Variants in TCF4 observed in about 807,000 individuals in gnomAD.
The protein encoded by TCF4 is SL3-3 enhancer factor 2.
TCF4 carries 3 observed loss-of-function variants against 82.1 expected under a neutral mutation model. The ratio of observed to expected loss-of-function variants is 0.04; its 90% confidence interval spans 0.02 to 0.09. The LOEUF (loss-of-function observed/expected upper bound fraction) is 0.09. Ranked by LOEUF, TCF4 falls within the 10% of genes least tolerant of loss-of-function variation. The probability of loss-of-function intolerance (pLI) is 1.00; values close to 1 mark genes in which losing one functional copy is unlikely to be tolerated. For missense variants in TCF4, 518 were observed against 852.7 expected (o/e 0.61, Z 4.89); for synonymous variants, 276 against 309.6 (o/e 0.89, Z 1.14).
chr18:55,603,072 A>G (rs1231963111), intron 2 of TCF4, among the ~76,000 whole-genome samples: 1 of 152,256 alleles, frequency 6.6e-6, no homozygotes, highest in East Asian at 1.9e-4. Context: ...ACCTGGGTTC[A>G]GATTTTACCA....
At chr18:55,601,715 C>T (rs994796695) in intron 2 of TCF4, among the ~76,000 whole-genome samples, 2 of 152,230 alleles carry the variant, frequency 1.3e-5, no homozygotes, top group East Asian at 3.9e-4. Flanking sequence ...ACCCGGCAGG[C>T]AGAGGTTGCA....
rs1026845670 is a variant in TCF4 at position 55,587,944 on chromosome 18, G to C, written c.-21+94C>G. On this transcript the variant is annotated intron_variant, in intron 1 of 19. Coordinates refer to ENST00000354452, the MANE Select transcript of TCF4 (RefSeq NM_001083962.2). ...GCCGGGCGCCGGGAGCCCGCGGCGC[G>C]GGAGGCGCGGAGCCGCGTGCGGGGC... is the stretch of plus-strand genomic sequence containing the variant. 4.5e-6 allele frequency: 4 copies of C among 892,982 alleles called. No homozygotes were observed. The East Asian group carries it at 4.9e-4, about 109-fold the overall frequency. The allele number at this position is 892,982 out of a possible 1,614,324, so 55.3% of individuals were successfully genotyped here. A position where few individuals can be genotyped will look rare whatever the true frequency, so the allele number is the denominator to read the frequency against.
chr18:55,381,910 G>GT (rs770720823), intron 6 of TCF4, among the ~76,000 whole-genome samples: 2,041 of 143,584 alleles, frequency 0.014, 22 homozygotes, highest in Non-Finnish European at 0.021. Flanking sequence ...CTCTAGAAGG[G>GT]TTTTTTTTTT....
At chr18:55,625,944 T>C (rs2097726172) in intron 2 of TCF4, among the ~76,000 whole-genome samples, 1 of 152,244 alleles carries the variant, frequency 6.6e-6, no homozygotes, top group South Asian at 2.1e-4. Context: ...CCTTCCATAG[T>C]GGACTACTTT....
intron 8 of TCF4, among the ~76,000 whole-genome samples, chr18:55,296,498 A>G (rs560988639): frequency 8.0e-4 from 122 of 152,210 alleles, no homozygotes; most frequent in Non-Finnish European, 1.5e-3. Context: ...GTGAGAGTCT[A>G]TGATCGGGCT....
chr18:55,543,587 T>A (rs1375292743), intron 3 of TCF4, among the ~76,000 whole-genome samples: 3 of 152,162 alleles, frequency 2.0e-5, no homozygotes, highest in Non-Finnish European at 4.4e-5. Flanking sequence ...TGATTTATTC[T>A]CCTTTTAACT....
chr18:55,470,887 A>G (rs982942431), intron 3 of TCF4, among the ~76,000 whole-genome samples: 3 of 152,130 alleles, frequency 2.0e-5, no homozygotes, highest in African/African-American at 4.8e-5. Flanking sequence ...CTGAAACACA[A>G]TGAAGTCTAC....
intron 3 of TCF4, among the ~76,000 whole-genome samples, chr18:55,505,640 T>A (rs973803595): frequency 6.6e-6 from 1 of 151,228 alleles, no homozygotes; most frequent in African/African-American, 2.4e-5. Flanking sequence ...CCGTCTCTAC[T>A]AAAAATACAA....
chr18:55,556,374 A>T (rs929429542), intron 3 of TCF4, among the ~76,000 whole-genome samples: 2 of 152,238 alleles, frequency 1.3e-5, no homozygotes, highest in Non-Finnish European at 2.9e-5. Context: ...ATAGAGCCTA[A>T]TTTCTCAATA....
chr18:55,309,096 T>A (rs894715434), intron 8 of TCF4, among the ~76,000 whole-genome samples: 23 of 151,448 alleles, frequency 1.5e-4, no homozygotes, highest in African/African-American at 5.1e-4. Context: ...ATCATTTATT[T>A]ATTATTATTA....
chr18:55,619,002 T>TC (rs1294073866), intron 2 of TCF4, among the ~76,000 whole-genome samples: 3 of 152,156 alleles, frequency 2.0e-5, no homozygotes, highest in Non-Finnish European at 4.4e-5. Flanking sequence ...GGTTTTGGTA[T>TC]CAGAGCAGTG....
chr18:55,538,202 A>G (rs908785460), intron 3 of TCF4, among the ~76,000 whole-genome samples: 3 of 152,184 alleles, frequency 2.0e-5, no homozygotes, highest in Non-Finnish European at 4.4e-5. Context: ...GATGTCTATA[A>G]TAAAATCAAT....
At chr18:55,343,852 G>A (rs2080558406) in intron 8 of TCF4, among the ~76,000 whole-genome samples, 1 of 141,824 alleles carries the variant, frequency 7.1e-6, no homozygotes, top group African/African-American at 3.1e-5. Flanking sequence ...ACACATGGGT[G>A]CACACACACA....
chr18:55,295,989 G>T (rs2066400917), intron 8 of TCF4, among the ~76,000 whole-genome samples: 1 of 151,926 alleles, frequency 6.6e-6, no homozygotes, highest in Non-Finnish European at 1.5e-5. Flanking sequence ...CTTGTTCAGG[G>T]TTATATTCTA....
intron 3 of TCF4, among the ~76,000 whole-genome samples, chr18:55,584,285 A>C (rs575258016): frequency 6.6e-6 from 1 of 152,250 alleles, no homozygotes; most frequent in East Asian, 1.9e-4. Flanking sequence ...GGCATCTCAC[A>C]GTTAAAAGAT....
intron 6 of TCF4, among the ~76,000 whole-genome samples, chr18:55,399,925 C>A (rs193138546): frequency 0.036 from 4,468 of 124,912 alleles, 113 homozygotes; most frequent in African/African-American, 0.08. Context: ...CACACACACA[C>A]AATACTAAAA....
At chr18:55,414,614 A>G (rs1299128186) in intron 5 of TCF4, among the ~76,000 whole-genome samples, 1 of 152,166 alleles carries the variant, frequency 6.6e-6, no homozygotes, top group Non-Finnish European at 1.5e-5. Flanking sequence ...CTATTTTTAA[A>G]AGACACACTC....
At chr18:55,364,239 A>ACATGTG (rs1189609323) in intron 6 of TCF4, among the ~76,000 whole-genome samples, 3 of 152,250 alleles carry the variant, frequency 2.0e-5, no homozygotes, top group Non-Finnish European at 2.9e-5. Context: ...GTACAAAAAT[A>ACATGTG]CATGTGCATA....
chr18:55,412,423 A>G (rs1343539227), intron 5 of TCF4, among the ~76,000 whole-genome samples: 1 of 151,772 alleles, frequency 6.6e-6, no homozygotes, highest in Non-Finnish European at 1.5e-5. Flanking sequence ...ATCCCAAAAT[A>G]TGAGAATCCC....
Sources: allele counts gnomAD v4.1 joint callset (sites outside exome capture counted in the v4.1 genomes callset), GRCh38; gene constraint gnomAD v4.1.1; transcripts MANE v1.5; gene names NCBI Gene and HGNC (gene_info 2026-07-23, HGNC 2026-07-21).